PIP5K1B: variants seen among roughly 807,000 people sequenced by gnomAD.
The protein encoded by PIP5K1B is phosphatidylinositol-4-phosphate 5-kinase type 1 beta.
In PIP5K1B, 42 loss-of-function variants were observed where a neutral mutation model predicts 67.0. The observed-to-expected ratio is 0.63, with a 90% confidence interval of 0.49 to 0.81. The LOEUF (loss-of-function observed/expected upper bound fraction) is 0.81, where lower values mean the gene tolerates loss of function less well. PIP5K1B is among the 30% of genes least tolerant of loss of function. PIP5K1B has a pLI of 0.00. For synonymous variants in PIP5K1B, 214 were observed against 231.4 expected (o/e 0.92, Z 0.68); for missense variants, 459 against 646.3 (o/e 0.71, Z 3.14).
intron 2 of PIP5K1B, among the ~76,000 whole-genome samples, chr9:68,803,246 G>A (rs776525984): frequency 1.3e-5 from 2 of 152,150 alleles, no homozygotes; most frequent in Non-Finnish European, 1.5e-5. Context: ...TAGTGCCTGC[G>A]AGATACTATA....
At chr9:68,824,326 C>G (rs1006723239) in intron 4 of PIP5K1B, 3 of 509,636 alleles carry the variant, frequency 5.9e-6, no homozygotes, top group African/African-American at 3.9e-5. Context: ...ACCATGACAT[C>G]TCAGAGTTTG....
chr9:68,758,831 A>G (rs950605564), intron 2 of PIP5K1B, among the ~76,000 whole-genome samples: 1 of 152,000 alleles, frequency 6.6e-6, no homozygotes, highest in Middle Eastern at 3.4e-3. Flanking sequence ...ACTGCTGAAA[A>G]CCCAAGACAA....
At chr9:68,968,905 T>TG (rs1564280429) in intron 14 of PIP5K1B, among the ~76,000 whole-genome samples, 1 of 152,206 alleles carries the variant, frequency 6.6e-6, no homozygotes, top group East Asian at 1.9e-4. Flanking sequence ...TGTGTCATGC[T>TG]GGGGGTTTTA....
At chr9:68,984,365 TTTTAGGCAAGTAACA>T (rs1380837182) in intron 14 of PIP5K1B, among the ~76,000 whole-genome samples, 6 of 152,190 alleles carry the variant, frequency 3.9e-5, no homozygotes, top group African/African-American at 1.2e-4. Flanking sequence ...AATCTAAGAT[TTTTAGGCAAGTAACA>T]TGCCATTCTG....
At chr9:68,755,122 G>GT (rs1451085564) in intron 2 of PIP5K1B, among the ~76,000 whole-genome samples, 1 of 152,208 alleles carries the variant, frequency 6.6e-6, no homozygotes, top group Non-Finnish European at 1.5e-5. Context: ...TTTATGTAAT[G>GT]TAAAGCCTTT....
chr9:68,950,606 G>T (rs1828016845), intron 14 of PIP5K1B, among the ~76,000 whole-genome samples: 1 of 152,164 alleles, frequency 6.6e-6, no homozygotes, highest in Non-Finnish European at 1.5e-5. Flanking sequence ...CCTGGGATCT[G>T]TAACAGGTGA....
At chr9:68,833,845 G>C (rs1216286372) in intron 4 of PIP5K1B, among the ~76,000 whole-genome samples, 2 of 152,158 alleles carry the variant, frequency 1.3e-5, no homozygotes, top group African/African-American at 4.8e-5. Flanking sequence ...ATGAATGGTA[G>C]GGGGGAAACA....
rs530437652 is a variant in PIP5K1B, at chr9:68,953,348, G to A, written c.1502+12558G>A. ...TTTCTCTTTTTTCCTGAAGATATTA[G>A]GATTATGTTTTTTGTTTTGCCCTGA... On this transcript the variant is annotated intron_variant, in intron 14 of 15. Coordinates refer to ENST00000265382, the MANE Select transcript of PIP5K1B (RefSeq NM_003558.4). Among the ~76,000 whole-genome samples, 32 of 151,346 alleles carry A rather than the reference G, an allele frequency of 2.1e-4. No individual in the cohort carries two copies. The South Asian group carries it at 6.8e-3, about 32-fold the overall frequency.
intron 14 of PIP5K1B, among the ~76,000 whole-genome samples, chr9:68,942,575 C>T (rs1827617796): frequency 6.6e-6 from 1 of 152,062 alleles, no homozygotes; most frequent in Non-Finnish European, 1.5e-5. Flanking sequence ...TCCTGACTCC[C>T]AATCGTTCCT....
chr9:68,942,610 A>G (rs908048143), intron 14 of PIP5K1B, among the ~76,000 whole-genome samples: 2 of 152,050 alleles, frequency 1.3e-5, no homozygotes, highest in African/African-American at 4.8e-5. Flanking sequence ...CTACCTCTGC[A>G]TGTTCCACCT....
intron 1 of PIP5K1B, among the ~76,000 whole-genome samples, chr9:68,725,028 A>C (rs746923778): frequency 2.0e-5 from 3 of 152,304 alleles, no homozygotes; most frequent in Non-Finnish European, 4.4e-5. Flanking sequence ...TAGCAAGAAG[A>C]TCTACAACAC....
intron 13 of PIP5K1B, among the ~76,000 whole-genome samples, chr9:68,936,303 A>G (rs1827264109): frequency 6.6e-6 from 1 of 152,116 alleles, no homozygotes; most frequent in Non-Finnish European, 1.5e-5. Flanking sequence ...CTGTTGAAAA[A>G]GAAGTTTGCT....
At chr9:68,877,192 G>A (rs1361589409) in intron 6 of PIP5K1B, among the ~76,000 whole-genome samples, 1 of 152,106 alleles carries the variant, frequency 6.6e-6, no homozygotes, top group African/African-American at 2.4e-5. Flanking sequence ...ATTTCACCTT[G>A]ACCTACAAAT....
chr9:68,962,521 ATTG>A (rs1194873020), intron 14 of PIP5K1B, among the ~76,000 whole-genome samples: 1 of 152,184 alleles, frequency 6.6e-6, no homozygotes, highest in Non-Finnish European at 1.5e-5. Flanking sequence ...GATAGATTTT[ATTG>A]TTGTTACTTG....
At chr9:68,719,562 C>A (rs977807464) in intron 1 of PIP5K1B, among the ~76,000 whole-genome samples, 3 of 152,146 alleles carry the variant, frequency 2.0e-5, no homozygotes, top group African/African-American at 7.2e-5. Flanking sequence ...CTGTGGCAAG[C>A]TGTATTTAAA....
At chr9:68,797,292 G>A (rs1008774928) in intron 2 of PIP5K1B, among the ~76,000 whole-genome samples, 1 of 152,150 alleles carries the variant, frequency 6.6e-6, no homozygotes, top group African/African-American at 2.4e-5. Context: ...TTTTTACAGA[G>A]GAAGCAACTC....
chr9:68,776,222 T>G (rs767491741), intron 2 of PIP5K1B, among the ~76,000 whole-genome samples: 54 of 152,336 alleles, frequency 3.5e-4, no homozygotes, highest in Admixed American at 5.9e-4. Context: ...CACATTTTTG[T>G]ATTTTACATT....
chr9:68,715,043 G>A (rs565219262), intron 1 of PIP5K1B, among the ~76,000 whole-genome samples: 1 of 152,330 alleles, frequency 6.6e-6, no homozygotes, highest in South Asian at 2.1e-4. Context: ...TCTCCCAAAA[G>A]GCACCTGTCT....
At chr9:68,963,164 G>A (rs1828836305) in intron 14 of PIP5K1B, 1 of 456,134 alleles carries the variant, frequency 2.2e-6, no homozygotes, top group African/African-American at 2.0e-5. Flanking sequence ...GAGGACTAAT[G>A]TGCAAAAATT....
Sources: gnomAD v4.1 joint callset for allele counts (sites outside exome capture counted in the v4.1 genomes callset) on GRCh38, gnomAD v4.1.1 for gene constraint, MANE v1.5 for transcripts, NCBI Gene and HGNC (gene_info 2026-07-23, HGNC 2026-07-21) for gene names.